The following DNAAF9 variants were observed in gnomAD, a reference collection of about 807,000 sequenced individuals.
DNAAF9 encodes shulin.
A neutral mutation model predicts 167.0 loss-of-function variants in DNAAF9; 90 were observed. The ratio of observed to expected loss-of-function variants is 0.54; its 90% CI spans 0.45 to 0.64. The LOEUF (loss-of-function observed/expected upper bound fraction) is 0.64, where lower values mean the gene tolerates loss of function less well. DNAAF9 is among the 30% of genes least tolerant of loss of function. The pLI is 0.00. For synonymous variants in DNAAF9, 491 were observed against 508.8 expected (o/e 0.96, Z 0.47); for missense variants, 1,315 against 1,442.2 (o/e 0.91, Z 1.43).
intron 20 of DNAAF9, among the ~76,000 whole-genome samples, chr20:3,310,521 T>C (rs1457177886): frequency 2.0e-5 from 3 of 151,246 alleles, no homozygotes; most frequent in Admixed American, 2.0e-4. Flanking sequence ...CCCGTCTCTA[T>C]TAAAAATACA....
intron 27 of DNAAF9, among the ~76,000 whole-genome samples, chr20:3,282,229 T>C (rs928914310): frequency 3.9e-5 from 6 of 152,160 alleles, no homozygotes; most frequent in South Asian, 2.1e-4. Flanking sequence ...ACAGCTCACA[T>C]TGGTATCTCC....
intron 1 of DNAAF9, among the ~76,000 whole-genome samples, chr20:3,399,599 A>G (rs1024190944): frequency 1.1e-4 from 16 of 152,104 alleles, no homozygotes. Context: ...TGAGACATAC[A>G]CAGAAGTCAT....
intron 20 of DNAAF9, among the ~76,000 whole-genome samples, chr20:3,306,056 C>T (rs963458232): frequency 5.9e-5 from 9 of 152,210 alleles, no homozygotes; most frequent in African/African-American, 2.2e-4. Context: ...AAGCCCCTCC[C>T]TCTACTGCTC....
chr20:3,326,328 G>A, intron 12 of DNAAF9, 44 bp from the exon 13 acceptor site: 2 of 1,373,852 alleles, frequency 1.5e-6, no homozygotes, highest in South Asian at 1.2e-5. Context: ...GCATCATGAG[G>A]TTTTTGTCAA....
chr20:3,390,811 G>C (rs2123273796), intron 1 of DNAAF9, among the ~76,000 whole-genome samples: 1 of 152,284 alleles, frequency 6.6e-6, no homozygotes, highest in East Asian at 1.9e-4. Flanking sequence ...AAGATTGCCT[G>C]CCTCTCCCCA....
intron 21 of DNAAF9, among the ~76,000 whole-genome samples, chr20:3,303,126 C>T (rs1465301312): frequency 1.3e-5 from 2 of 151,920 alleles, no homozygotes; most frequent in South Asian, 2.1e-4. Flanking sequence ...CCTGTAGTCT[C>T]AGCTACTCAG....
intron 10 of DNAAF9, among the ~76,000 whole-genome samples, chr20:3,336,693 A>G (rs369807929): frequency 5.3e-5 from 8 of 151,182 alleles, no homozygotes; most frequent in African/African-American, 1.9e-4. Context: ...GGGATTTTAC[A>G]AGCGCCTGCC....
intron 30 of DNAAF9, among the ~76,000 whole-genome samples, chr20:3,268,013 A>C (rs2068519147): frequency 6.6e-6 from 1 of 150,910 alleles, no homozygotes; most frequent in Admixed American, 6.6e-5. Context: ...TGATATACAG[A>C]TAGGTTTACT....
chr20:3,336,821 T>G (rs1482443435), intron 10 of DNAAF9, among the ~76,000 whole-genome samples: 1 of 151,856 alleles, frequency 6.6e-6, no homozygotes. Flanking sequence ...GGGATTAAAG[T>G]TGTAAGCCAC....
chr20:3,376,237 G>A lies in DNAAF9; in HGVS notation c.349C>T (p.Leu117Phe). ...LYCNPVNFRYLLPYVAHWRNL... is the reference protein window; with the variant it reads ...LYCNPVNFRYFLPYVAHWRNL... ...CTCCAATGTGCCACATAAGGTAAGA[G>A]ATAGCGAAAGTTTACAGGATTACAG... The change falls in exon 4 of 37, where the codon CTC (leucine) becomes TTC (phenylalanine). Residue 117 changes from leucine (L) to phenylalanine (F), a missense_variant. This residue lies in a region of DNAAF9 where 981 missense variants were observed against 1,012.5 expected (regional missense o/e 0.97). Transcript: ENST00000252032. 2 of 1,613,300 alleles carry A rather than the reference G, an allele frequency of 1.2e-6. No individual in the cohort carries two copies. The highest frequency in any genetic ancestry group is 1.7e-6 in the Non-Finnish European group (2 of 1,179,306).
chr20:3,313,648 T>G (rs77016659), intron 20 of DNAAF9, among the ~76,000 whole-genome samples: 1 of 152,142 alleles, frequency 6.6e-6, no homozygotes, highest in Non-Finnish European at 1.5e-5. Flanking sequence ...ACAAGGTTTT[T>G]GAGGATTTCA....
At chr20:3,384,378 C>A (rs144721053) in intron 1 of DNAAF9, 1 of 152,130 alleles carries the variant, frequency 6.6e-6, no homozygotes, top group African/African-American at 2.4e-5. Flanking sequence ...AACTGCCATT[C>A]GTCACTGATG....
intron 12 of DNAAF9, among the ~76,000 whole-genome samples, chr20:3,329,846 T>C (rs1010387668): frequency 6.6e-6 from 1 of 152,240 alleles, no homozygotes; most frequent in South Asian, 2.1e-4. Context: ...TTATTTTCTG[T>C]CTTTGGTTTC....
Position 3,348,510 on chromosome 20 carries a change from C to G in DNAAF9, c.789+15G>C, listed in dbSNP as rs781050007. On this transcript the variant is annotated intron_variant, in intron 8 of 36. Coordinates refer to ENST00000252032, the MANE Select transcript of DNAAF9 (RefSeq NM_001009984.3). ...AACCATTTTATTCTTCCTCTTTGAC[C>G]CTTCCCTTACATACCTCACCCGCCT... The G allele has an allele frequency of 7.1e-7, 1 of 1,400,764 alleles. No homozygotes were observed. The highest frequency in any genetic ancestry group is 1.3e-5 in the South Asian group (1 of 75,688). 86.8% of individuals were successfully genotyped at this position (1,400,764 alleles called of 1,614,324 possible).
intron 3 of DNAAF9, among the ~76,000 whole-genome samples, chr20:3,380,680 C>T (rs981137217): frequency 1.3e-5 from 2 of 152,200 alleles, no homozygotes; most frequent in African/African-American, 2.4e-5. Context: ...TTCATGCCTC[C>T]CCCAGCTGCC....
chr20:3,348,467 TA>T (rs1431887652), intron 8 of DNAAF9, 57 bp downstream of exon 8: 57 of 926,144 alleles, frequency 6.2e-5, no homozygotes, highest in Non-Finnish European at 8.8e-5. Context: ...AATAAAAAAT[TA>T]AAACAATAAA....
chr20:3,343,874 CGTGT>C, intron 8 of DNAAF9, 143 bp from the exon 9 acceptor site: 1 of 528,810 alleles, frequency 1.9e-6, no homozygotes, highest in South Asian at 3.2e-5. Context: ...TGTGCATGTG[CGTGT>C]GTGTGACAGA....
intron 14 of DNAAF9, 23 bp downstream of exon 14, chr20:3,324,869 A>T (rs1233660671): frequency 7.6e-7 from 1 of 1,307,730 alleles, no homozygotes; most frequent in Non-Finnish European, 1.1e-6. Flanking sequence ...AATTCCTTAT[A>T]AAAAATATCA....
At chr20:3,321,743 A>T (rs183919131) in intron 16 of DNAAF9, among the ~76,000 whole-genome samples, 1 of 151,942 alleles carries the variant, frequency 6.6e-6, no homozygotes, top group Non-Finnish European at 1.5e-5. Context: ...TAATTAAAAA[A>T]ATTTTTTTTT....
Sources: allele counts gnomAD v4.1 joint callset (sites outside exome capture counted in the v4.1 genomes callset), GRCh38; gene constraint gnomAD v4.1.1; regional missense constraint gnomAD v4.1.1; transcripts MANE v1.5; gene names NCBI Gene and HGNC (gene_info 2026-07-23, HGNC 2026-07-21).